Variants in SUFU observed in about 807,000 individuals in gnomAD.
The protein encoded by SUFU is suppressor of fused homolog.
SUFU carries 7 observed loss-of-function variants against 58.9 expected under a neutral mutation model. The observed-to-expected ratio is 0.12, with a 90% CI of 0.07 to 0.22. The LOEUF is 0.22. SUFU is among the 10% of genes least tolerant of loss of function. SUFU has a pLI of 1.00. For synonymous variants in SUFU, 232 were observed against 254.8 expected (o/e 0.91, Z 0.85); for missense variants, 451 against 641.3 (o/e 0.70, Z 3.20).
chr10:102,561,865 C>T (rs377195012), intron 3 of SUFU, among the ~76,000 whole-genome samples: 11 of 152,116 alleles, frequency 7.2e-5, no homozygotes, highest in East Asian at 3.9e-4. Flanking sequence ...GACAGGATTT[C>T]GCCATGTTGC....
intron 9 of SUFU, among the ~76,000 whole-genome samples, chr10:102,615,703 G>A (rs1329211915): frequency 6.6e-6 from 1 of 152,204 alleles, no homozygotes; most frequent in Non-Finnish European, 1.5e-5. Context: ...GGGCCATGCG[G>A]TGTTCTCCTT....
At chr10:102,608,862 G>A (rs1458262957) in intron 8 of SUFU, among the ~76,000 whole-genome samples, 2 of 152,192 alleles carry the variant, frequency 1.3e-5, no homozygotes, top group African/African-American at 4.8e-5. Context: ...AATCTGAGAT[G>A]GGACATATTC....
rs2063702257 is a variant in SUFU at position 102,617,761 on chromosome 10, C to T, written c.1296+333C>T. The T allele has an allele frequency of 5.4e-6, 3 of 552,064 alleles. No individual in the cohort carries two copies. The highest frequency in any genetic ancestry group is 6.4e-6 in the Non-Finnish European group (2 of 313,842). 34.2% of individuals were successfully genotyped at this position (552,064 alleles called of 1,614,324 possible). On this transcript the variant is annotated intron_variant, in intron 10 of 11. Transcript: ENST00000369902. The surrounding 1 kb of genome is among the most constrained non-coding windows in gnomAD (Gnocchi z 4.4). The stretch of plus-strand genomic sequence containing the variant: ...TCTGCACCTTGGGTAAACCAAGGTA[C>T]AAGAACTCAAGGATGAAGCAAGATG...
intron 3 of SUFU, among the ~76,000 whole-genome samples, chr10:102,567,131 C>G (rs1160483513): frequency 6.8e-6 from 1 of 146,522 alleles, no homozygotes; most frequent in East Asian, 2.1e-4. Flanking sequence ...CCTGCCTCAG[C>G]CTCCCTAGTA....
In SUFU at chr10:102,615,369, A is replaced by G. The variant is rs769345450; in HGVS notation, c.1124A>G (p.Gln375Arg). The G allele has an allele frequency of 1.2e-6, 2 of 1,614,086 alleles. No individual in the cohort carries two copies. Among genetic ancestry groups the G allele is most frequent in the South Asian group, 2.2e-5 (2 of 91,078 alleles). Residue 375 changes from glutamine to arginine, a missense_variant, in exon 9 of 12, where the codon CAG becomes CGG. Transcript: ENST00000369902. ...QLESVHLKFN[Q>R]ESGALIPLCL... ...GAGAGCGTACATCTGAAATTCAACC[A>G]GGAGTCCGGAGCCCTCATTCCTCTC...
intron 9 of SUFU, among the ~76,000 whole-genome samples, chr10:102,615,990 C>T (rs1056229977): frequency 1.3e-4 from 19 of 150,820 alleles, no homozygotes; most frequent in African/African-American, 3.4e-4. Flanking sequence ...CCCCAGCCAC[C>T]GACAAGCCCA....
At position 102,620,760 on chromosome 10, in the gene SUFU, C is replaced by T. The variant is rs531614962; in HGVS notation, c.1296+3332C>T. 2.0e-4 allele frequency among the ~76,000 whole-genome samples: 30 copies of T among 152,302 alleles called. No homozygotes were observed. In the East Asian group the frequency reaches 5.8e-3, roughly 29 times the overall value. On this transcript the variant is annotated intron_variant, in intron 10 of 11. Transcript: ENST00000369902. ...CCTGGTGGCTTTAACAAGCCTCTCT[C>T]CCTTGAGCCTGTCAACACTGGGCTG...
intron 8 of SUFU, among the ~76,000 whole-genome samples, chr10:102,605,668 G>A (rs760383759): frequency 1.3e-5 from 2 of 152,024 alleles, no homozygotes; most frequent in Admixed American, 6.6e-5. Context: ...CCTCTCCCTC[G>A]ATCCCACAGC....
At chr10:102,607,834 C>T (rs1196879355) in intron 8 of SUFU, among the ~76,000 whole-genome samples, 27 of 151,940 alleles carry the variant, frequency 1.8e-4, no homozygotes, top group Admixed American at 1.8e-3. Flanking sequence ...TCGCTTGAAC[C>T]CAGGAGGTGG....
chr10:102,509,367 GAC>G, intron 2 of SUFU, 64 bp downstream of exon 2: 1 of 1,599,114 alleles, frequency 6.3e-7, no homozygotes, highest in South Asian at 1.1e-5. Context: ...GAGCAGGGGT[GAC>G]AATGTCATAG....
intron 8 of SUFU, 152 bp from the exon 9 acceptor site, chr10:102,615,116 G>A (rs939637885): frequency 2.0e-5 from 24 of 1,179,510 alleles, no homozygotes; most frequent in Admixed American, 3.9e-5. Context: ...GCTGGCGCTC[G>A]CCAGGCATAT....
intron 2 of SUFU, among the ~76,000 whole-genome samples, chr10:102,541,178 G>A (rs2062794911): frequency 1.3e-5 from 2 of 151,856 alleles, no homozygotes; most frequent in African/African-American, 2.4e-5. Context: ...TTTTGAGTAT[G>A]TGAAAGCATT....
intron 11 of SUFU, among the ~76,000 whole-genome samples, 155 bp downstream of exon 11, chr10:102,627,398 A>G (rs2135954719): frequency 6.6e-6 from 1 of 152,308 alleles, no homozygotes; most frequent in South Asian, 2.1e-4. Flanking sequence ...GCTCCTCCCC[A>G]AGGTGCAGGG....
At chr10:102,577,172 C>G (rs2063221309) in intron 3 of SUFU, among the ~76,000 whole-genome samples, 1 of 150,766 alleles carries the variant, frequency 6.6e-6, no homozygotes. Flanking sequence ...CAACCTCCGC[C>G]TCCCAGGTTC....
intron 2 of SUFU, among the ~76,000 whole-genome samples, chr10:102,536,783 G>A (rs2062744896): frequency 6.6e-6 from 1 of 151,896 alleles, no homozygotes. Context: ...CTTATTTGTG[G>A]CATAATGTAC....
intron 3 of SUFU, among the ~76,000 whole-genome samples, chr10:102,577,721 C>T (rs1316584972): frequency 1.3e-5 from 2 of 148,704 alleles, no homozygotes; most frequent in South Asian, 2.2e-4. Context: ...CGCTCTGTTG[C>T]CCAGGCTGGA....
chr10:102,605,750 C>T (rs554328643), intron 8 of SUFU, among the ~76,000 whole-genome samples: 1 of 152,072 alleles, frequency 6.6e-6, no homozygotes. Flanking sequence ...TCAGAGCTTT[C>T]GTCAGCAATC....
At chr10:102,535,733 T>G (rs1484604527) in intron 2 of SUFU, among the ~76,000 whole-genome samples, 3 of 152,130 alleles carry the variant, frequency 2.0e-5, no homozygotes, top group Non-Finnish European at 4.4e-5. Context: ...CTGGCATTCC[T>G]TGCTTCAAAG....
intron 3 of SUFU, among the ~76,000 whole-genome samples, chr10:102,584,992 C>T (rs554422433): frequency 5.3e-5 from 8 of 152,242 alleles, no homozygotes; most frequent in Admixed American, 4.6e-4. Flanking sequence ...GCTGTGATGT[C>T]TCAGCATTAT....
Sources: gnomAD v4.1 joint callset for allele counts (sites outside exome capture counted in the v4.1 genomes callset) on GRCh38, gnomAD v4.1.1 for gene constraint, Gnocchi (gnomAD v3.1) non-coding constraint, MANE v1.5 for transcripts, NCBI Gene and HGNC (gene_info 2026-07-23, HGNC 2026-07-21) for gene names.